The following KLF12 variants were observed in gnomAD, a reference collection of about 807,000 sequenced individuals.
KLF12 encodes the protein KLF transcription factor 12, also known as Krueppel-like factor 12.
A neutral mutation model predicts 37.8 loss-of-function variants in KLF12; 9 were observed. The observed-to-expected ratio is 0.24, with a 90% CI of 0.14 to 0.42. The LOEUF (loss-of-function observed/expected upper bound fraction) is 0.42. Ranked by LOEUF, KLF12 falls within the 10% of genes least tolerant of loss-of-function variation. The probability of loss-of-function intolerance (pLI) is 1.00; values close to 1 mark genes in which losing one functional copy is unlikely to be tolerated. For missense variants in KLF12, 411 were observed against 516.0 expected (o/e 0.80, Z 1.97); for synonymous variants, 208 against 202.1 (o/e 1.03, Z -0.25).
chr13:73,925,416 AC>A (rs1339269555), intron 3 of KLF12, among the ~76,000 whole-genome samples: 2 of 152,212 alleles, frequency 1.3e-5, no homozygotes, highest in East Asian at 3.9e-4. Flanking sequence ...AGCCTGGATG[AC>A]AGTACATCTG....
At chr13:73,696,018 G>A (rs1415718981) in intron 7 of KLF12, among the ~76,000 whole-genome samples, 1 of 152,148 alleles carries the variant, frequency 6.6e-6, no homozygotes, top group Non-Finnish European at 1.5e-5. Flanking sequence ...TTTTAAGGCT[G>A]AAAGTCACAA....
the KLF12 span, among the ~76,000 whole-genome samples, chr13:74,228,257 A>G: frequency 6.6e-6 from 1 of 152,120 alleles, no homozygotes; most frequent in Non-Finnish European, 1.5e-5. Flanking sequence ...CTGAAACTAT[A>G]TTATATAGTA....
At chr13:74,144,195 A>G in the KLF12 span, among the ~76,000 whole-genome samples, 1 of 152,158 alleles carries the variant, frequency 6.6e-6, no homozygotes, top group Non-Finnish European at 1.5e-5. Context: ...ACAATGAGGA[A>G]CGTGAGGCAT....
intron 6 of KLF12, among the ~76,000 whole-genome samples, chr13:73,762,709 C>T (rs1283933825): frequency 6.6e-6 from 1 of 152,170 alleles, no homozygotes; most frequent in African/African-American, 2.4e-5. Context: ...GGGACAGCAA[C>T]TATCACTTTC....
At position 74,087,337 on chromosome 13, in the gene KLF12, A is replaced by T. The variant is rs574371898; in HGVS notation, c.-32+46402T>A. Among the ~76,000 whole-genome samples, 664 of 151,338 alleles carry T rather than the reference A, an allele frequency of 4.4e-3. 3 individuals are homozygous for T. The highest frequency in any genetic ancestry group is 0.016 in the African/African-American group (635 of 40,842). ...AGACAAGACAGAAGGGTTTAAAAAAAATTTTTTTTTTTTTTGAGAGAATTT... is the reference window on the plus strand; with the variant it reads ...AGACAAGACAGAAGGGTTTAAAAAATATTTTTTTTTTTTTTGAGAGAATTT... On this transcript the variant is annotated intron_variant, in intron 1 of 7. Transcript: ENST00000377669.
the KLF12 span, among the ~76,000 whole-genome samples, chr13:74,169,420 A>T: frequency 6.6e-6 from 1 of 152,238 alleles, no homozygotes; most frequent in African/African-American, 2.4e-5. Flanking sequence ...AATATTAAAC[A>T]ATTGCAGAGC....
At chr13:73,825,197 C>T (rs1417932423) in intron 4 of KLF12, among the ~76,000 whole-genome samples, 1 of 152,118 alleles carries the variant, frequency 6.6e-6, no homozygotes, top group African/African-American at 2.4e-5. Flanking sequence ...TCTGTGAAGG[C>T]TGGTGAGGTT....
At chr13:73,722,570 A>G (rs1433776233) in intron 6 of KLF12, among the ~76,000 whole-genome samples, 4 of 152,256 alleles carry the variant, frequency 2.6e-5, no homozygotes, top group African/African-American at 9.6e-5. Context: ...TCCTGTCTGT[A>G]GCATTTCACA....
chr13:73,859,135 GC>G (rs753615020), intron 3 of KLF12, among the ~76,000 whole-genome samples: 1 of 152,170 alleles, frequency 6.6e-6, no homozygotes, highest in Non-Finnish European at 1.5e-5. Context: ...GCAAGTGACA[GC>G]AACTCCCTCA....
the KLF12 span, among the ~76,000 whole-genome samples, chr13:74,251,389 G>A: frequency 2.6e-5 from 4 of 151,780 alleles, no homozygotes; most frequent in Admixed American, 6.6e-5. Context: ...CAAGTGATCC[G>A]CCCACCTTGG....
intron 1 of KLF12, among the ~76,000 whole-genome samples, chr13:74,079,717 T>A (rs2138749396): frequency 6.6e-6 from 1 of 152,188 alleles, no homozygotes; most frequent in East Asian, 1.9e-4. Flanking sequence ...ATGGCTACTA[T>A]CAAAAGAAAG....
At chr13:74,100,172 G>A (rs1026000119) in intron 1 of KLF12, among the ~76,000 whole-genome samples, 2 of 152,148 alleles carry the variant, frequency 1.3e-5, no homozygotes, top group Non-Finnish European at 2.9e-5. Flanking sequence ...TAAGTAAAAT[G>A]ATTAAGCAAA....
chr13:73,987,267 TAAGAG>T (rs1387342922), intron 2 of KLF12, among the ~76,000 whole-genome samples: 3 of 152,224 alleles, frequency 2.0e-5, no homozygotes, highest in South Asian at 2.1e-4. Flanking sequence ...AACATCAGCT[TAAGAG>T]AAGGGAAGAA....
chr13:73,799,944 T>C (rs1882198497), intron 5 of KLF12: 1 of 152,134 alleles, frequency 6.6e-6, no homozygotes, highest in South Asian at 2.1e-4. Flanking sequence ...AGCTCAAAGA[T>C]TTTATTTCCA....
intron 2 of KLF12, among the ~76,000 whole-genome samples, chr13:73,972,823 A>G (rs79516986): frequency 0.029 from 4,412 of 151,462 alleles, 209 homozygotes; most frequent in African/African-American, 0.1. Context: ...AGCTGGATTT[A>G]TATCAGTACC....
At chr13:74,241,255 C>T in the KLF12 span, among the ~76,000 whole-genome samples, 9 of 150,982 alleles carry the variant, frequency 6.0e-5, no homozygotes, top group Admixed American at 1.3e-4. Context: ...TTAGGCTGCC[C>T]GGGGGTCAGG....
intron 2 of KLF12, among the ~76,000 whole-genome samples, chr13:73,989,173 TA>T (rs1265499182): frequency 1.3e-5 from 2 of 151,776 alleles, no homozygotes; most frequent in Non-Finnish European, 2.9e-5. Context: ...GCAAAGCAAA[TA>T]AAAAAATAAA....
chr13:74,232,790 G>A, the KLF12 span, among the ~76,000 whole-genome samples: 5 of 152,166 alleles, frequency 3.3e-5, no homozygotes, highest in African/African-American at 9.7e-5. Flanking sequence ...CAACAAAAAA[G>A]TGTTGGGCCA....
chr13:74,207,401 C>T, the KLF12 span, among the ~76,000 whole-genome samples: 33 of 152,224 alleles, frequency 2.2e-4, no homozygotes, highest in Admixed American at 6.5e-4. Flanking sequence ...GTCAGGTGGG[C>T]GAGGTGGCTC....
Sources: gnomAD v4.1 joint callset for allele counts (sites outside exome capture counted in the v4.1 genomes callset) on GRCh38, gnomAD v4.1.1 for gene constraint, MANE v1.5 for transcripts, NCBI Gene and HGNC (gene_info 2026-07-23, HGNC 2026-07-21) for gene names.